The following MCTP1 variants were observed in gnomAD, a reference collection of about 807,000 sequenced individuals.
MCTP1 encodes the protein multiple C2 and transmembrane domain containing 1.
A neutral mutation model predicts 120.6 loss-of-function variants in MCTP1; 69 were observed. The ratio of observed to expected loss-of-function variants is 0.57; its 90% CI spans 0.47 to 0.70. The LOEUF (loss-of-function observed/expected upper bound fraction) is 0.70. MCTP1 is among the 30% of genes least tolerant of loss of function. The pLI is 0.00. For missense variants in MCTP1, 1,203 were observed against 1,248.8 expected (o/e 0.96, Z 0.55); for synonymous variants, 529 against 493.1 (o/e 1.07, Z -0.96).
chr5:94,865,040 TA>T lies in MCTP1; in HGVS notation c.2436+3292del, dbSNP rs551758443. ...TCTGTGTTCATTCTTAGGCAGACAATATTCACAGTAAAATTTTAAAACCGAA... is the reference window on the plus strand; with the variant it reads ...TCTGTGTTCATTCTTAGGCAGACAATTTCACAGTAAAATTTTAAAACCGAA... On this transcript the variant is annotated intron_variant, in intron 17 of 22. Transcript: ENST00000515393. Among the ~76,000 whole-genome samples, 1,306 of 151,994 alleles carry T rather than the reference TA, an allele frequency of 8.6e-3. 10 individuals carry two copies. The highest frequency in any genetic ancestry group is 0.035 in the South Asian group (171 of 4,820).
At chr5:94,883,732 T>A (rs554052810) in intron 12 of MCTP1, among the ~76,000 whole-genome samples, 1 of 152,206 alleles carries the variant, frequency 6.6e-6, no homozygotes, top group East Asian at 1.9e-4. Flanking sequence ...TAAAGGCACA[T>A]GCTATTAATT....
Position 94,967,229 on chromosome 5 carries a change from G to T in MCTP1, c.839-13868C>A, listed in dbSNP as rs1230403806. On this transcript the variant is annotated intron_variant, in intron 2 of 22. Transcript: ENST00000515393. Reference sequence around the variant, plus strand: ...AATCCCCTGAAGGTTGGGTAGAGATGGTTCCTAGAATCCTGCTGGGTGGTC... The same window carrying T: ...AATCCCCTGAAGGTTGGGTAGAGATTGTTCCTAGAATCCTGCTGGGTGGTC... Among the ~76,000 whole-genome samples, 3 of 152,070 alleles carry T rather than the reference G, an allele frequency of 2.0e-5. No individual in the cohort carries two copies. In the South Asian group the frequency reaches 6.2e-4, roughly 32 times the overall value.
At chr5:94,773,490 C>T (rs1774564315) in intron 19 of MCTP1, among the ~76,000 whole-genome samples, 1 of 152,152 alleles carries the variant, frequency 6.6e-6, no homozygotes, top group South Asian at 2.1e-4. Context: ...TTCGCGCCTT[C>T]CAATAGATAT....
chr5:95,168,135 C>T (rs895778152), intron 1 of MCTP1, among the ~76,000 whole-genome samples: 1 of 152,134 alleles, frequency 6.6e-6, no homozygotes, highest in Non-Finnish European at 1.5e-5. Context: ...TTTCTCAGCA[C>T]CATTTATTAA....
intron 17 of MCTP1, among the ~76,000 whole-genome samples, chr5:94,861,314 C>G (rs1015501617): frequency 5.9e-5 from 9 of 151,836 alleles, no homozygotes; most frequent in Non-Finnish European, 1.3e-4. Flanking sequence ...TTCAGGTTAG[C>G]TTCTTGCTTG....
intron 1 of MCTP1, among the ~76,000 whole-genome samples, chr5:95,113,623 A>G (rs1342896419): frequency 6.6e-6 from 1 of 152,202 alleles, no homozygotes; most frequent in East Asian, 1.9e-4. Flanking sequence ...TTGTCCTCCC[A>G]GTGGTTGGAA....
rs571380057 is a variant in MCTP1, at chr5:94,888,907, C to T, written c.1905G>A (p.Ala635=). 2.4e-5 allele frequency: 38 copies of T among 1,613,718 alleles called. No individual in the cohort carries two copies. The highest frequency in any genetic ancestry group is 1.3e-4 in the Admixed American group (8 of 60,018). ...TGACGTCGGCAGCCATTAACCCTTC[C>T]GCTCTGATGACTTTCACCTGGAGAA... is the stretch of plus-strand genomic sequence containing the variant. ...VGFLQVKVIR[A]EGLMAADVTG... The change falls in exon 12 of 23, where the codon GCG becomes GCA. Residue 635 remains alanine (A), a synonymous_variant. Transcript: ENST00000515393.
At position 94,830,558 on chromosome 5, in the gene MCTP1, T is replaced by C. The variant is rs1199901107; in HGVS notation, c.2437-31426A>G. Among the ~76,000 whole-genome samples the C allele has an allele frequency of 2.0e-5, 3 of 152,220 alleles. 1 individual carries two copies. The highest frequency in any genetic ancestry group is 4.8e-5 in the African/African-American group (2 of 41,472). On this transcript the variant is annotated intron_variant, in intron 17 of 22. Coordinates refer to ENST00000515393, the MANE Select transcript of MCTP1 (RefSeq NM_024717.7). The stretch of plus-strand genomic sequence containing the variant: ...GCTGGAAATAGCTCTGAGATCCTAA[T>C]GTCTGTCATACTGATGGTCTTTCAT...
At chr5:95,132,328 T>C (rs1759106732) in intron 1 of MCTP1, among the ~76,000 whole-genome samples, 1 of 152,194 alleles carries the variant, frequency 6.6e-6, no homozygotes, top group South Asian at 2.1e-4. Flanking sequence ...ACTGGTATAG[T>C]TAGGACACTC....
chr5:94,922,456 A>C (rs1811901348), intron 7 of MCTP1, among the ~76,000 whole-genome samples: 1 of 149,082 alleles, frequency 6.7e-6, no homozygotes, highest in Non-Finnish European at 1.5e-5. Context: ...CACCCCCCAA[A>C]TTCTACTCTC....
chr5:94,913,727 CAG>C (rs1809385311), intron 8 of MCTP1, among the ~76,000 whole-genome samples: 1 of 151,426 alleles, frequency 6.6e-6, no homozygotes, highest in Non-Finnish European at 1.5e-5. Flanking sequence ...TTTTTAGAAA[CAG>C]AGTCTTGCTC....
intron 1 of MCTP1, among the ~76,000 whole-genome samples, chr5:95,202,133 C>A (rs1008933464): frequency 2.0e-5 from 3 of 152,078 alleles, no homozygotes; most frequent in Non-Finnish European, 4.4e-5. Flanking sequence ...GTGGGTAGAA[C>A]CCTGCAGCTG....
intron 19 of MCTP1, among the ~76,000 whole-genome samples, chr5:94,730,679 T>C (rs541109083): frequency 3.0e-4 from 46 of 152,280 alleles, no homozygotes; most frequent in Admixed American, 2.8e-3. Flanking sequence ...CCATGCCTTA[T>C]AGAAAGAGGA....
chr5:95,160,220 G>A (rs575519370), intron 1 of MCTP1, among the ~76,000 whole-genome samples: 4 of 152,302 alleles, frequency 2.6e-5, no homozygotes, highest in South Asian at 4.1e-4. Context: ...AGGGAGATAT[G>A]TTATCCTGGG....
At chr5:94,900,713 C>G (rs1805283212) in intron 10 of MCTP1, among the ~76,000 whole-genome samples, 1 of 152,172 alleles carries the variant, frequency 6.6e-6, no homozygotes, top group Non-Finnish European at 1.5e-5. Flanking sequence ...GAGTCCATGG[C>G]TGGGGGTTCA....
chr5:94,918,578 TAAGA>T (rs1810735664), intron 7 of MCTP1, among the ~76,000 whole-genome samples: 2 of 152,228 alleles, frequency 1.3e-5, no homozygotes, highest in Admixed American at 1.3e-4. Context: ...AGAGATGGAT[TAAGA>T]AAGATATAGC....
chr5:94,823,619 A>G (rs568658387), intron 17 of MCTP1, among the ~76,000 whole-genome samples: 40 of 152,328 alleles, frequency 2.6e-4, no homozygotes, highest in African/African-American at 9.4e-4. Context: ...CATTGAATCT[A>G]TAAATCACTT....
intron 19 of MCTP1, among the ~76,000 whole-genome samples, chr5:94,757,723 C>CGT (rs1445086651): frequency 6.6e-6 from 1 of 152,204 alleles, no homozygotes; most frequent in Non-Finnish European, 1.5e-5. Flanking sequence ...ATTCCACATG[C>CGT]ACACTGCTTG....
At chr5:95,067,872 G>A (rs1029224316) in intron 1 of MCTP1, among the ~76,000 whole-genome samples, 4 of 152,088 alleles carry the variant, frequency 2.6e-5, no homozygotes, top group African/African-American at 9.7e-5. Flanking sequence ...ACTATGCAGT[G>A]CAATAGATCA....
Sources: gnomAD v4.1 joint callset for allele counts (sites outside exome capture counted in the v4.1 genomes callset) on GRCh38, gnomAD v4.1.1 for gene constraint, MANE v1.5 for transcripts, NCBI Gene and HGNC (gene_info 2026-07-23, HGNC 2026-07-21) for gene names.